Variants in LHFPL6 observed in about 807,000 individuals in gnomAD.
LHFPL6 encodes LHFPL tetraspan subfamily member 6 protein.
A neutral mutation model predicts 20.6 loss-of-function variants in LHFPL6; 9 were observed. The ratio of observed to expected loss-of-function variants is 0.44; its 90% CI spans 0.26 to 0.76. The LOEUF (loss-of-function observed/expected upper bound fraction) is 0.76, where lower values mean the gene tolerates loss of function less well. LHFPL6 is among the 30% of genes least tolerant of loss of function. LHFPL6 has a pLI of 0.20. For missense variants in LHFPL6, 218 were observed against 253.5 expected (o/e 0.86, Z 0.95); for synonymous variants, 105 against 98.7 (o/e 1.06, Z -0.38).
chr13:39,391,541 A>G (rs190022647), intron 2 of LHFPL6, among the ~76,000 whole-genome samples: 207 of 152,278 alleles, frequency 1.4e-3, no homozygotes, highest in African/African-American at 4.6e-3. Context: ...GTGTGTATCA[A>G]ACCTTATATA....
intron 2 of LHFPL6, among the ~76,000 whole-genome samples, chr13:39,476,490 C>T (rs1034291352): frequency 3.9e-5 from 6 of 152,154 alleles, no homozygotes; most frequent in East Asian, 1.9e-4. Context: ...TTATTTGGTC[C>T]TTGGCATAAA....
chr13:39,458,080 A>G (rs555919669), intron 2 of LHFPL6, among the ~76,000 whole-genome samples: 18 of 152,344 alleles, frequency 1.2e-4, no homozygotes, highest in African/African-American at 4.3e-4. Context: ...GATTCTGGGT[A>G]CATTCAATTA....
chr13:39,569,805 C>T (rs1871855468), intron 2 of LHFPL6, among the ~76,000 whole-genome samples: 1 of 151,990 alleles, frequency 6.6e-6, no homozygotes, highest in Non-Finnish European at 1.5e-5. Context: ...ACAGAGTGCC[C>T]AACTAGAACT....
intron 2 of LHFPL6, among the ~76,000 whole-genome samples, chr13:39,554,740 C>G (rs182919260): frequency 4.0e-4 from 61 of 152,364 alleles, no homozygotes; most frequent in African/African-American, 1.4e-3. Flanking sequence ...TCCCCCCAGC[C>G]ATTCACATCC....
chr13:39,549,476 T>C (rs1373272955), intron 2 of LHFPL6, among the ~76,000 whole-genome samples: 2 of 152,090 alleles, frequency 1.3e-5, no homozygotes, highest in Non-Finnish European at 2.9e-5. Context: ...AATACCATTA[T>C]ACATAGATAA....
At chr13:39,596,745 A>G (rs1220454166) in intron 2 of LHFPL6, among the ~76,000 whole-genome samples, 1 of 152,240 alleles carries the variant, frequency 6.6e-6, no homozygotes, top group Non-Finnish European at 1.5e-5. Flanking sequence ...GTTTTCAGTT[A>G]AGACACTGTC....
At chr13:39,591,967 G>C (rs1358582539) in intron 2 of LHFPL6, among the ~76,000 whole-genome samples, 1 of 151,948 alleles carries the variant, frequency 6.6e-6, no homozygotes, top group Non-Finnish European at 1.5e-5. Flanking sequence ...ATGATGGCAG[G>C]CGCCTGTAAT....
rs34833321 is a variant in LHFPL6 at position 39,400,782 on chromosome 13, C to CAAAAAA, written c.386-22262_386-22257dup. The stretch of plus-strand genomic sequence containing the variant: ...TGGGCGACAGAGCGAGACTCCGTCT[C>CAAAAAA]AAAAAAAAAAAAAAAAAAAAAAAAA... On this transcript the variant is annotated intron_variant, in intron 2 of 3. Coordinates refer to ENST00000379589, the MANE Select transcript of LHFPL6 (RefSeq NM_005780.3). Among the ~76,000 whole-genome samples the CAAAAAA allele has an allele frequency of 6.4e-3, 340 of 53,480 alleles. 41 individuals are homozygous for CAAAAAA. Among genetic ancestry groups the CAAAAAA allele is most frequent in the African/African-American group, 0.022 (251 of 11,318 alleles). 35.1% of individuals were successfully genotyped at this position (53,480 alleles called of 152,430 possible). A position where few individuals can be genotyped will look rare whatever the true frequency, so the allele number is the denominator to read the frequency against.
At chr13:39,405,651 G>A (rs188682945) in intron 2 of LHFPL6, among the ~76,000 whole-genome samples, 94 of 152,234 alleles carry the variant, frequency 6.2e-4, no homozygotes, top group Non-Finnish European at 1.3e-4. Context: ...GACAAGAAAC[G>A]TTCTTGCTAA....
intron 3 of LHFPL6, among the ~76,000 whole-genome samples, chr13:39,346,094 A>G (rs774194363): frequency 1.3e-5 from 2 of 152,202 alleles, no homozygotes; most frequent in Non-Finnish European, 2.9e-5. Flanking sequence ...GTTAGGTACA[A>G]TGTGCAATTA....
chr13:39,356,828 C>T (rs1255472324), intron 3 of LHFPL6, among the ~76,000 whole-genome samples: 2 of 152,086 alleles, frequency 1.3e-5, no homozygotes, highest in African/African-American at 4.8e-5. Context: ...GAAATTGAAC[C>T]CTGAACAGAC....
intron 2 of LHFPL6, among the ~76,000 whole-genome samples, chr13:39,458,931 T>G (rs4281594): frequency 4.4e-4 from 67 of 152,284 alleles, no homozygotes; most frequent in Admixed American, 1.3e-3. Context: ...CAACACACTT[T>G]TTTTCCTTCT....
At chr13:39,473,894 C>T (rs1873011930) in intron 2 of LHFPL6, among the ~76,000 whole-genome samples, 1 of 152,218 alleles carries the variant, frequency 6.6e-6, no homozygotes, top group Non-Finnish European at 1.5e-5. Context: ...ATTTCTTCTT[C>T]TGCTCCTCTA....
At chr13:39,544,145 T>C (rs1257108785) in intron 2 of LHFPL6, among the ~76,000 whole-genome samples, 1 of 152,066 alleles carries the variant, frequency 6.6e-6, no homozygotes, top group Non-Finnish European at 1.5e-5. Flanking sequence ...ACTTAAAGAA[T>C]GGAATGAAGA....
intron 2 of LHFPL6, among the ~76,000 whole-genome samples, chr13:39,541,533 T>G (rs1870798159): frequency 6.6e-6 from 1 of 152,164 alleles, no homozygotes. Context: ...TCTGCTTCTG[T>G]AAATCTTATT....
At chr13:39,399,243 A>T (rs1436808130) in intron 2 of LHFPL6, among the ~76,000 whole-genome samples, 1 of 152,252 alleles carries the variant, frequency 6.6e-6, no homozygotes, top group Non-Finnish European at 1.5e-5. Flanking sequence ...ATATTTCTAT[A>T]GTACTTACAG....
chr13:39,391,582 C>T (rs1870709630), intron 2 of LHFPL6, among the ~76,000 whole-genome samples: 1 of 151,928 alleles, frequency 6.6e-6, no homozygotes, highest in Admixed American at 6.6e-5. Context: ...AATATATAAG[C>T]CATTTATAAC....
At chr13:39,503,953 A>T (rs977340731) in intron 2 of LHFPL6, among the ~76,000 whole-genome samples, 1 of 152,220 alleles carries the variant, frequency 6.6e-6, no homozygotes, top group Non-Finnish European at 1.5e-5. Context: ...GACCATGTAT[A>T]AATAAGAAAG....
At chr13:39,370,784 T>C (rs538224387) in intron 3 of LHFPL6, among the ~76,000 whole-genome samples, 3 of 152,340 alleles carry the variant, frequency 2.0e-5, no homozygotes, top group East Asian at 3.9e-4. Flanking sequence ...TTCTAACTTC[T>C]GGACAAAATG....
Sources: gnomAD v4.1 joint callset for allele counts (sites outside exome capture counted in the v4.1 genomes callset) on GRCh38, gnomAD v4.1.1 for gene constraint, MANE v1.5 for transcripts, NCBI Gene and HGNC (gene_info 2026-07-23, HGNC 2026-07-21) for gene names.